The following MORC1 variants were observed in gnomAD, a reference collection of about 807,000 sequenced individuals.
MORC1 encodes the protein MORC family CW-type zinc finger 1.
MORC1 carries 59 observed loss-of-function variants against 134.9 expected under a neutral mutation model. The ratio of observed to expected loss-of-function variants is 0.44; its 90% CI spans 0.35 to 0.54. The LOEUF is 0.54. Among genes scored for constraint, MORC1 ranks in the 20% least tolerant of loss-of-function variants. MORC1 has a pLI of 0.00. For missense variants in MORC1, 947 were observed against 1,134.5 expected (o/e 0.83, Z 2.37); for synonymous variants, 395 against 391.7 (o/e 1.01, Z -0.10).
chr3:109,108,338 T>A (rs1951082432), intron 3 of MORC1, among the ~76,000 whole-genome samples: 1 of 152,180 alleles, frequency 6.6e-6, no homozygotes, highest in African/African-American at 2.4e-5. Flanking sequence ...CCAAAGAACA[T>A]AATGCGTGGA....
At chr3:108,961,687 A>T (rs930290442) in intron 27 of MORC1, among the ~76,000 whole-genome samples, 1 of 152,226 alleles carries the variant, frequency 6.6e-6, no homozygotes, top group African/African-American at 2.4e-5. Flanking sequence ...TAGGCAAAAG[A>T]GTTTCATACT....
chr3:108,990,421 C>T (rs1024863078), intron 21 of MORC1, among the ~76,000 whole-genome samples: 2 of 152,056 alleles, frequency 1.3e-5, no homozygotes, highest in African/African-American at 2.4e-5. Context: ...ACTCCTCTCA[C>T]GTCTTTGGCT....
intron 17 of MORC1, among the ~76,000 whole-genome samples, chr3:109,027,532 G>T (rs565448472): frequency 6.6e-6 from 1 of 151,046 alleles, no homozygotes; most frequent in African/African-American, 2.4e-5. Context: ...ATGCATTGTC[G>T]TATAGATGGG....
At chr3:108,966,597 T>C (rs1275341723) in intron 26 of MORC1, among the ~76,000 whole-genome samples, 1 of 152,194 alleles carries the variant, frequency 6.6e-6, no homozygotes, top group Non-Finnish European at 1.5e-5. Flanking sequence ...TAAACTATTA[T>C]AAGATAGAAA....
intron 21 of MORC1, among the ~76,000 whole-genome samples, chr3:108,994,884 T>A (rs749565215): frequency 1.3e-5 from 2 of 152,146 alleles, no homozygotes; most frequent in Non-Finnish European, 2.9e-5. Context: ...TCAGAATAGA[T>A]CCCCTAGGAT....
chr3:109,042,621 C>A (rs953655417), intron 14 of MORC1, among the ~76,000 whole-genome samples: 1 of 152,134 alleles, frequency 6.6e-6, no homozygotes, highest in Non-Finnish European at 1.5e-5. Flanking sequence ...TAAAGAGATA[C>A]CTGCACACCC....
At chr3:108,985,711 GC>G (rs1947877670) in intron 22 of MORC1, among the ~76,000 whole-genome samples, 3 of 152,146 alleles carry the variant, frequency 2.0e-5, no homozygotes, top group African/African-American at 7.2e-5. Context: ...ATTTGTTCCT[GC>G]CAAACCTAGG....
chr3:108,962,538 T>C (rs1947109497), intron 27 of MORC1, among the ~76,000 whole-genome samples: 1 of 152,122 alleles, frequency 6.6e-6, no homozygotes, highest in Admixed American at 6.5e-5. Flanking sequence ...AGGGTCTCAG[T>C]TCTTGTCCCC....
chr3:108,970,049 G>A (rs181494152), intron 25 of MORC1, among the ~76,000 whole-genome samples: 11 of 152,300 alleles, frequency 7.2e-5, no homozygotes, highest in Non-Finnish European at 1.6e-4. Flanking sequence ...CGCAGCTGGA[G>A]TCTGGGTTTC....
intron 11 of MORC1, among the ~76,000 whole-genome samples, chr3:109,061,324 A>G (rs1950078522): frequency 6.6e-6 from 1 of 152,204 alleles, no homozygotes; most frequent in Admixed American, 6.5e-5. Context: ...GGTAAAAGTT[A>G]GCAAACTTAC....
intron 26 of MORC1, among the ~76,000 whole-genome samples, chr3:108,968,001 T>C (rs1947266982): frequency 6.6e-6 from 1 of 152,188 alleles, no homozygotes; most frequent in African/African-American, 2.4e-5. Context: ...TAGTGGTACC[T>C]ACCTACCAAA....
intron 14 of MORC1, among the ~76,000 whole-genome samples, chr3:109,044,997 T>C (rs1330202807): frequency 6.6e-6 from 1 of 152,050 alleles, no homozygotes; most frequent in East Asian, 1.9e-4. Context: ...ATGTCAGTTT[T>C]GTATCTGTTC....
rs113288266 is a variant in MORC1 at position 109,051,227 on chromosome 3, A to G, written c.1330+3501T>C. On this transcript the variant is annotated intron_variant, in intron 14 of 27. Coordinates refer to ENST00000232603, the MANE Select transcript of MORC1 (RefSeq NM_014429.4). The stretch of plus-strand genomic sequence containing the variant: ...AATGACACAAAGTCATTACCTCTCC[A>G]TTTCTCTTTTTGCTGATTCGATTTT... Among the ~76,000 whole-genome samples the G allele has an allele frequency of 7.4e-3, 1,120 of 152,178 alleles. 9 individuals carry two copies. The highest frequency in any genetic ancestry group is 0.016 in the African/African-American group (663 of 41,496).
Position 109,095,174 on chromosome 3 carries a change from C to T in MORC1, c.424-106G>A, listed in dbSNP as rs1030435538. On this transcript the variant is annotated intron_variant, in intron 6 of 27. Coordinates refer to ENST00000232603, the MANE Select transcript of MORC1 (RefSeq NM_014429.4). ...CTTCATCTAGACAAATTACAAAACA[C>T]TAAGTTAAAAGTTCATTTTCCTCCT... 5 of 1,106,566 alleles carry T rather than the reference C, an allele frequency of 4.5e-6. No individual in the cohort carries two copies. In the South Asian group the frequency reaches 4.8e-5, roughly 11 times the overall value. The allele number at this position is 1,106,566 out of a possible 1,614,324, so 68.5% of individuals were successfully genotyped here. A position where few individuals can be genotyped will look rare whatever the true frequency, so the allele number is the denominator to read the frequency against.
chr3:109,068,767 T>C (rs773925640), intron 9 of MORC1, among the ~76,000 whole-genome samples: 3 of 152,222 alleles, frequency 2.0e-5, no homozygotes, highest in Non-Finnish European at 4.4e-5. Context: ...AATGAAAGAC[T>C]ACCCAGAAAC....
chr3:109,092,434 T>TGTC (rs1950749434), intron 8 of MORC1, among the ~76,000 whole-genome samples: 1 of 152,192 alleles, frequency 6.6e-6, no homozygotes, highest in Non-Finnish European at 1.5e-5. Context: ...TAACCTGACA[T>TGTC]GTCTACTTGG....
In MORC1 at chr3:109,064,652, A is replaced by T. The variant is rs537572800; in HGVS notation, c.816-1421T>A. Among the ~76,000 whole-genome samples the T allele has an allele frequency of 1.2e-3, 177 of 152,300 alleles. 1 individual carries two copies. Among genetic ancestry groups the T allele is most frequent in the African/African-American group, 4.1e-3 (169 of 41,580 alleles). Reference sequence around the variant, plus strand: ...ATTAACACAGAAAAAATTAGCCCCCAGTTGTAAATCATAACTGCATTGGAG... The same window carrying T: ...ATTAACACAGAAAAAATTAGCCCCCTGTTGTAAATCATAACTGCATTGGAG... On this transcript the variant is annotated intron_variant, in intron 9 of 27. Coordinates refer to ENST00000232603, the MANE Select transcript of MORC1 (RefSeq NM_014429.4).
At position 109,036,353 on chromosome 3, in the gene MORC1, T is replaced by G. The variant is rs112514923; in HGVS notation, c.1331-885A>C. Among the ~76,000 whole-genome samples, 1,435 of 152,270 alleles carry G rather than the reference T, an allele frequency of 9.4e-3. 19 individuals are homozygous for G. The highest frequency in any genetic ancestry group is 0.023 in the African/African-American group (941 of 41,560). On this transcript the variant is annotated intron_variant, in intron 14 of 27. Transcript: ENST00000232603. The stretch of plus-strand genomic sequence containing the variant: ...TATGAAAAGCCTGTCCATATAAAAT[T>G]GCGATGCACATTTTCCTGAATGGAT...
At chr3:109,019,301 T>C (rs886247460) in intron 17 of MORC1, among the ~76,000 whole-genome samples, 3 of 152,158 alleles carry the variant, frequency 2.0e-5, no homozygotes, top group East Asian at 1.9e-4. Flanking sequence ...CTCGTAAGCA[T>C]TGCCCCTTCT....
Sources: allele counts gnomAD v4.1 joint callset (sites outside exome capture counted in the v4.1 genomes callset), GRCh38; gene constraint gnomAD v4.1.1; transcripts MANE v1.5; gene names NCBI Gene and HGNC (gene_info 2026-07-23, HGNC 2026-07-21).